GULP1: variants seen among roughly 807,000 people sequenced by gnomAD.
GULP1 encodes the protein GULP PTB domain containing engulfment adaptor 1, also known as PTB domain-containing engulfment adapter protein 1.
A neutral mutation model predicts 40.9 loss-of-function variants in GULP1; 19 were observed. The ratio of observed to expected loss-of-function variants is 0.46; its 90% CI spans 0.32 to 0.68. The LOEUF is 0.68. Ranked by LOEUF, GULP1 falls within the 30% of genes least tolerant of loss-of-function variation. The pLI, the probability that GULP1 is intolerant of heterozygous loss-of-function variation, is 0.03. For synonymous variants in GULP1, 119 were observed against 117.6 expected (o/e 1.01, Z -0.08); for missense variants, 312 against 362.2 (o/e 0.86, Z 1.12).
chr2:188,384,424 C>G (rs558417635), intron 2 of GULP1: 1 of 152,156 alleles, frequency 6.6e-6, no homozygotes, highest in African/African-American at 2.4e-5. Flanking sequence ...AATCACCTCC[C>G]ACCAGGTTCC....
chr2:188,553,843 G>T (rs1316187621), intron 7 of GULP1, among the ~76,000 whole-genome samples: 1 of 151,962 alleles, frequency 6.6e-6, no homozygotes, highest in Non-Finnish European at 1.5e-5. Flanking sequence ...ATATTGGCCT[G>T]CCAGGTTTTC....
At chr2:188,338,764 T>C (rs1188673728) in intron 1 of GULP1, among the ~76,000 whole-genome samples, 1 of 152,118 alleles carries the variant, frequency 6.6e-6, no homozygotes, top group African/African-American at 2.4e-5. Context: ...TGTTTATAAT[T>C]TTCACCACTC....
At chr2:188,387,325 A>T (rs1303006063) in intron 2 of GULP1, among the ~76,000 whole-genome samples, 1 of 152,202 alleles carries the variant, frequency 6.6e-6, no homozygotes, top group African/African-American at 2.4e-5. Flanking sequence ...TATCAAGTAT[A>T]CATTTATCTA....
At chr2:188,420,435 G>A (rs1385876413) in intron 2 of GULP1, among the ~76,000 whole-genome samples, 1 of 151,876 alleles carries the variant, frequency 6.6e-6, no homozygotes, top group Non-Finnish European at 1.5e-5. Context: ...AAATGTTGTG[G>A]CCTTTTCACT....
At chr2:188,587,395 T>C (rs1190805799) in intron 10 of GULP1, among the ~76,000 whole-genome samples, 1 of 152,000 alleles carries the variant, frequency 6.6e-6, no homozygotes, top group Non-Finnish European at 1.5e-5. Flanking sequence ...GAGATAAGAG[T>C]ACATGAACTT....
chr2:188,541,646 TATGCACATA>T (rs1318949756), intron 7 of GULP1: 3 of 493,816 alleles, frequency 6.1e-6, no homozygotes, highest in Middle Eastern at 5.2e-4. Flanking sequence ...GATTTAGTAT[TATGCACATA>T]ATACAAACAG....
intron 5 of GULP1, among the ~76,000 whole-genome samples, chr2:188,527,469 G>A (rs1686459518): frequency 1.3e-5 from 2 of 152,148 alleles, no homozygotes; most frequent in East Asian, 1.9e-4. Context: ...GCTGATATAA[G>A]GAGATTATGA....
intron 1 of GULP1, among the ~76,000 whole-genome samples, chr2:188,323,225 C>T (rs557609918): frequency 5.9e-5 from 9 of 152,094 alleles, no homozygotes; most frequent in African/African-American, 2.2e-4. Context: ...CCTCTTCTCC[C>T]TGAATTGCCA....
intron 7 of GULP1, among the ~76,000 whole-genome samples, chr2:188,557,603 G>A (rs1041162830): frequency 3.0e-4 from 45 of 152,328 alleles, no homozygotes; most frequent in Admixed American, 7.2e-4. Context: ...CTACTCTCAC[G>A]TGCTGGCGTT....
chr2:188,315,409 C>G (rs1236722463), intron 1 of GULP1, among the ~76,000 whole-genome samples: 1 of 152,068 alleles, frequency 6.6e-6, no homozygotes, highest in Non-Finnish European at 1.5e-5. Context: ...CACTGGGGGT[C>G]TTCAGATGTA....
chr2:188,309,672 T>C, intron 1 of GULP1, among the ~76,000 whole-genome samples: 1 of 152,020 alleles, frequency 6.6e-6, no homozygotes, highest in Non-Finnish European at 1.5e-5. Flanking sequence ...CTTAAGACAT[T>C]GAGAGAAAAA....
At chr2:188,485,363 T>C (rs1208202381) in intron 4 of GULP1, among the ~76,000 whole-genome samples, 1 of 152,018 alleles carries the variant, frequency 6.6e-6, no homozygotes, top group Non-Finnish European at 1.5e-5. Flanking sequence ...CAGTAAAATA[T>C]GGAAGGGCAG....
intron 3 of GULP1, among the ~76,000 whole-genome samples, chr2:188,480,303 TA>T (rs2061347177): frequency 6.6e-6 from 1 of 152,046 alleles, no homozygotes; most frequent in Non-Finnish European, 1.5e-5. Context: ...TACAGTATCC[TA>T]AACAAAGCAA....
At chr2:188,344,108 C>T (rs2043317075) in intron 1 of GULP1, among the ~76,000 whole-genome samples, 1 of 152,174 alleles carries the variant, frequency 6.6e-6, no homozygotes, top group African/African-American at 2.4e-5. Flanking sequence ...ACGCCTGGCC[C>T]TCTCAACCTT....
intron 2 of GULP1, among the ~76,000 whole-genome samples, chr2:188,419,272 T>A (rs2055031267): frequency 6.6e-6 from 1 of 152,174 alleles, no homozygotes; most frequent in Non-Finnish European, 1.5e-5. Context: ...TTGAGAAACC[T>A]CTGTACTTTC....
intron 5 of GULP1, among the ~76,000 whole-genome samples, chr2:188,528,336 T>A (rs919194702): frequency 2.6e-5 from 4 of 152,080 alleles, no homozygotes; most frequent in Non-Finnish European, 4.4e-5. Context: ...GCTCCTGAAA[T>A]TTTCCCCCAC....
intron 2 of GULP1, among the ~76,000 whole-genome samples, chr2:188,390,277 A>G (rs756369545): frequency 6.6e-6 from 1 of 152,098 alleles, no homozygotes; most frequent in Non-Finnish European, 1.5e-5. Flanking sequence ...TCCACGCCAA[A>G]TCTATTATTG....
intron 7 of GULP1, among the ~76,000 whole-genome samples, chr2:188,562,545 A>G (rs1696575330): frequency 6.6e-6 from 1 of 152,232 alleles, no homozygotes; most frequent in African/African-American, 2.4e-5. Flanking sequence ...ATGAAACAAA[A>G]TCTAACAGTT....
In GULP1 at chr2:188,483,419, T is replaced by G. The variant is rs1308647254; in HGVS notation, c.29-12T>G. 1.4e-6 allele frequency: 2 copies of G among 1,453,490 alleles called. No individual in the cohort carries two copies. The highest frequency in any genetic ancestry group is 1.9e-6 in the Non-Finnish European group (2 of 1,045,962). The allele number at this position is 1,453,490 out of a possible 1,614,324, so 90.0% of individuals were successfully genotyped here. On this transcript the variant is annotated splice_polypyrimidine_tract_variant and intron_variant, in intron 3 of 11. Transcript: ENST00000409830. ...AAACCTAAAATTTAACTCTGTGTATTTTTTATTGCAGACAAAACATGGATG... is the reference window on the plus strand; with the variant it reads ...AAACCTAAAATTTAACTCTGTGTATGTTTTATTGCAGACAAAACATGGATG...
Sources: gnomAD v4.1 joint callset for allele counts (sites outside exome capture counted in the v4.1 genomes callset) on GRCh38, gnomAD v4.1.1 for gene constraint, MANE v1.5 for transcripts, NCBI Gene and HGNC (gene_info 2026-07-23, HGNC 2026-07-21) for gene names.